DUSP18: variants seen among roughly 807,000 people sequenced by gnomAD.
DUSP18 encodes dual specificity phosphatase 18, also known as dual specificity protein phosphatase 18.
DUSP18 carries 4 observed loss-of-function variants against 6.3 expected under a neutral mutation model. The observed-to-expected ratio is 0.63, with a 90% CI of 0.31 to 1.45. The LOEUF (loss-of-function observed/expected upper bound fraction) is 1.45, where lower values mean the gene tolerates loss of function less well. Ranked by LOEUF, DUSP18 falls within the 40% of genes most tolerant of loss-of-function variation. The probability of loss-of-function intolerance (pLI) is 0.07; values close to 1 mark genes in which losing one functional copy is unlikely to be tolerated. For synonymous variants in DUSP18, 96 were observed against 95.1 expected, an observed-to-expected ratio of 1.01 and a Z score of -0.05; for missense variants, 235 against 247.7, an observed-to-expected ratio of 0.95 and a Z score of 0.34.
In DUSP18 at chr22:30,662,885, C is replaced by T. The variant is rs1337194613; in HGVS notation, c.*552G>A. The stretch of plus-strand genomic sequence containing the variant: ...TGCTTTCTTTAAAAACTATCTTATG[C>T]ATAAGTACAATCTAGAAAACCAGAA... On this transcript the variant is annotated 3_prime_UTR_variant, in exon 2 of 2. Coordinates refer to ENST00000334679, the MANE Select transcript of DUSP18 (RefSeq NM_152511.5). 1 of 153,152 alleles carries T rather than the reference C, an allele frequency of 6.5e-6. No individual in the cohort carries two copies. The allele number at this position is 153,152 out of a possible 1,614,324, so 9.5% of individuals were successfully genotyped here. A position where few individuals can be genotyped will look rare whatever the true frequency, so the allele number is the denominator to read the frequency against.
chr22:30,654,469 T>C, intron 2 of DUSP18: 5 of 436,210 alleles, frequency 1.1e-5, no homozygotes, highest in South Asian at 8.4e-5. Flanking sequence ...CACCTGCTTT[T>C]TCGTCATAGG....
At chr22:30,666,783 T>C (rs2145631228) in intron 1 of DUSP18, 1 of 152,226 alleles carries the variant, frequency 6.6e-6, no homozygotes, top group African/African-American at 2.4e-5. Flanking sequence ...AGACAGAGCT[T>C]GAAAATAGGA....
At position 30,663,188 on chromosome 22, in the gene DUSP18, C is replaced by A; in HGVS notation, c.*249G>T. Reference sequence around the variant, plus strand: ...CCTCTTTCTTCTGGGCACCATCTGCCTCAACCTATCCCCTGGCCAGTGTCA... The same window carrying A: ...CCTCTTTCTTCTGGGCACCATCTGCATCAACCTATCCCCTGGCCAGTGTCA... On this transcript the variant is annotated 3_prime_UTR_variant, in exon 2 of 2. Transcript: ENST00000334679. 2.1e-6 allele frequency: 1 copy of A among 475,220 alleles called. No homozygotes were observed. The highest frequency in any genetic ancestry group is 2.7e-5 in the South Asian group (1 of 37,710). 29.4% of individuals were successfully genotyped at this position (475,220 alleles called of 1,614,324 possible).
At chr22:30,654,399 C>T in intron 2 of DUSP18, 1 of 457,126 alleles carries the variant, frequency 2.2e-6, no homozygotes, top group African/African-American at 2.0e-5. Context: ...CCAGCTGCCC[C>T]AGGTAGGCAA....
chr22:30,657,523 C>G (rs1251595639), downstream of DUSP18, among the ~76,000 whole-genome samples: 1 of 151,114 alleles, frequency 6.6e-6, no homozygotes, highest in African/African-American at 2.4e-5. Context: ...CTTTGGGAAG[C>G]AAAGACAGGT....
chr22:30,666,188 T>TC (rs1177293340), intron 1 of DUSP18, among the ~76,000 whole-genome samples: 2 of 151,998 alleles, frequency 1.3e-5, no homozygotes, highest in Non-Finnish European at 2.9e-5. Context: ...TGAACTGATG[T>TC]CCCCCCAAAC....
At chr22:30,652,394 T>C (rs1181474141) in intron 2 of DUSP18, 1 of 152,212 alleles carries the variant, frequency 6.6e-6, no homozygotes, top group Non-Finnish European at 1.5e-5. Flanking sequence ...TAATTTCTAA[T>C]CTTGTGGCTA....
intron 2 of DUSP18, chr22:30,654,509 C>T (rs1015716603): frequency 1.2e-5 from 5 of 426,696 alleles, no homozygotes; most frequent in East Asian, 7.3e-5. Flanking sequence ...CACCTTGAGG[C>T]GGTCTTGGGC....
At chr22:30,654,579 T>C in intron 2 of DUSP18, 1 of 459,306 alleles carries the variant, frequency 2.2e-6, no homozygotes, top group Non-Finnish European at 4.4e-6. Context: ...AAGATGCGGC[T>C]GGGGACCCGG....
At chr22:30,652,225 G>A (rs1416561772) in exon 3 of DUSP18, 1 of 152,166 alleles carries the variant, frequency 6.6e-6, no homozygotes, top group Non-Finnish European at 1.5e-5. Context: ...TCAGTTCCTG[G>A]GTGGGGGCCA....
rs150392282 is a variant in DUSP18, at chr22:30,663,971, C to G, written c.33G>C (p.Gln11His). ...GGCCGCTGACTGAGGGCTGCCGGAACTGAACTGGGAAGGCACACGAGGGTG... is the reference window on the plus strand; with the variant it reads ...GGCCGCTGACTGAGGGCTGCCGGAAGTGAACTGGGAAGGCACACGAGGGTG... MTAPSCAFPV[Q>H]FRQPSVSGLS... The change falls in exon 2 of 2, where the codon CAG becomes CAC. Residue 11 changes from glutamine (Q) to histidine (H), a missense_variant. By Grantham distance (24) the Gln-to-His change is conservative. Coordinates refer to ENST00000334679, the MANE Select transcript of DUSP18 (RefSeq NM_152511.5). The G allele has an allele frequency of 8.4e-5, 135 of 1,614,004 alleles. No individual in the cohort carries two copies. Among genetic ancestry groups the G allele is most frequent in the Non-Finnish European group, 1.1e-4 (125 of 1,179,980 alleles).
intron 1 of DUSP18, 112 bp from the exon 2 acceptor site, chr22:30,664,192 C>T (rs2145617935): frequency 1.6e-6 from 1 of 609,052 alleles, no homozygotes; most frequent in East Asian, 2.8e-5. Context: ...AGTCCTCTGA[C>T]CATCACAGCA....
At chr22:30,659,207 C>T (rs932982992), downstream of DUSP18, among the ~76,000 whole-genome samples, 3 of 151,138 alleles carry the variant, frequency 2.0e-5, no homozygotes, top group Non-Finnish European at 4.4e-5. Context: ...AGGATCGAAC[C>T]GAAGAGGGTC....
At chr22:30,660,513 C>T (rs1051194044), downstream of DUSP18, among the ~76,000 whole-genome samples, 7 of 152,094 alleles carry the variant, frequency 4.6e-5, no homozygotes, top group Non-Finnish European at 5.9e-5. Context: ...CAGGAATTCA[C>T]GGACAATGTC....
At chr22:30,659,999 C>G (rs2145601767), downstream of DUSP18, among the ~76,000 whole-genome samples, 1 of 152,294 alleles carries the variant, frequency 6.6e-6, no homozygotes, top group East Asian at 1.9e-4. Flanking sequence ...CAGCTGACAG[C>G]TAAGAAAACA....
chr22:30,656,789 T>C (rs568501591), downstream of DUSP18, among the ~76,000 whole-genome samples: 8 of 152,272 alleles, frequency 5.3e-5, no homozygotes, highest in African/African-American at 1.7e-4. Context: ...GGTCTCATCA[T>C]GTCCAATTCT....
chr22:30,657,497 G>A (rs1465002985), downstream of DUSP18, among the ~76,000 whole-genome samples: 2 of 147,754 alleles, frequency 1.4e-5, no homozygotes, highest in East Asian at 4.1e-4. Flanking sequence ...AGTGGGTCGC[G>A]CCTATAATCC....
chr22:30,653,826 T>A (rs1184449232), intron 2 of DUSP18: 1 of 152,328 alleles, frequency 6.6e-6, no homozygotes, highest in East Asian at 1.9e-4. Flanking sequence ...CCTGTTTTTA[T>A]TTATTTACAT....
intron 1 of DUSP18, among the ~76,000 whole-genome samples, chr22:30,664,368 C>T (rs1472309761): frequency 6.6e-6 from 1 of 152,238 alleles, no homozygotes; most frequent in African/African-American, 2.4e-5. Context: ...AAGTCTGGCA[C>T]TTGAGGCCTC....
Sources: allele counts gnomAD v4.1 joint callset (sites outside exome capture counted in the v4.1 genomes callset), GRCh38; gene constraint gnomAD v4.1.1; transcripts MANE v1.5; gene names NCBI Gene and HGNC (gene_info 2026-07-23, HGNC 2026-07-21).